CACNA1C: variants seen among roughly 807,000 people sequenced by gnomAD.
CACNA1C encodes calcium voltage-gated channel subunit alpha1 C.
CACNA1C carries 30 observed loss-of-function variants against 229.0 expected under a neutral mutation model. That is an observed-to-expected ratio of 0.13 (90% CI 0.10 to 0.18). The LOEUF (loss-of-function observed/expected upper bound fraction) is 0.18, where lower values mean the gene tolerates loss of function less well. CACNA1C is among the 10% of genes least tolerant of loss of function. The pLI is 1.00. For missense variants in CACNA1C, 1,658 were observed against 2,845.0 expected (o/e 0.58, Z 9.49); for synonymous variants, 1,114 against 1,132.5 (o/e 0.98, Z 0.33).
rs1407765746 is a variant in CACNA1C, at chr12:2,606,602, G to A, written c.3157-9G>A. The stretch of plus-strand genomic sequence containing the variant: ...GAACATCTCTGATACTCTGTTCTCT[G>A]CCTTCCAGGGAAAGCTGTACACCTG... On this transcript the variant is annotated splice_polypyrimidine_tract_variant and intron_variant, in intron 24 of 46. Coordinates refer to ENST00000399655, the MANE Select transcript of CACNA1C (RefSeq NM_000719.7). The A allele has an allele frequency of 2.5e-6, 4 of 1,600,558 alleles. No homozygotes were observed. The highest frequency in any genetic ancestry group is 1.7e-5 in the Admixed American group (1 of 58,182).
At chr12:2,084,820 G>T (rs1253474326) in intron 1 of CACNA1C, among the ~76,000 whole-genome samples, 3 of 152,180 alleles carry the variant, frequency 2.0e-5, no homozygotes, top group Admixed American at 1.3e-4. Flanking sequence ...GATAAGGCAA[G>T]CCAGGGTTCC....
intron 3 of CACNA1C, among the ~76,000 whole-genome samples, chr12:2,261,744 AACAC>A (rs141539866): frequency 6.6e-6 from 1 of 151,438 alleles, no homozygotes; most frequent in African/African-American, 2.4e-5. Flanking sequence ...GTCCTTGTGC[AACAC>A]ACACACACAC....
intron 3 of CACNA1C, among the ~76,000 whole-genome samples, chr12:2,398,352 T>C (rs954229079): frequency 6.6e-5 from 10 of 152,242 alleles, no homozygotes; most frequent in Non-Finnish European, 1.5e-4. Flanking sequence ...GATGTGTTTT[T>C]TCATCTCTAA....
intron 3 of CACNA1C, among the ~76,000 whole-genome samples, chr12:2,404,256 G>GC (rs1325446336): frequency 2.6e-5 from 4 of 152,158 alleles, no homozygotes; most frequent in African/African-American, 9.7e-5. Context: ...TCAGGAATGA[G>GC]CCCCTGGCCT....
At chr12:2,256,209 C>T (rs1005809154) in intron 3 of CACNA1C, among the ~76,000 whole-genome samples, 2 of 152,150 alleles carry the variant, frequency 1.3e-5, no homozygotes, top group African/African-American at 4.8e-5. Flanking sequence ...GAGGCTAAGC[C>T]CAGGAATCTA....
intron 1 of CACNA1C, among the ~76,000 whole-genome samples, chr12:2,008,233 C>T (rs974813220): frequency 8.5e-5 from 13 of 152,080 alleles, no homozygotes; most frequent in African/African-American, 3.1e-4. Context: ...TCCTCCCACC[C>T]CAGCCTCCCA....
chr12:2,536,454 T>C (rs1204901592), intron 9 of CACNA1C, among the ~76,000 whole-genome samples: 1 of 151,920 alleles, frequency 6.6e-6, no homozygotes, highest in Non-Finnish European at 1.5e-5. Flanking sequence ...TGGAAAGAGG[T>C]TCAAAACTCT....
At chr12:2,532,592 C>T (rs1162559145) in intron 9 of CACNA1C, among the ~76,000 whole-genome samples, 1 of 152,182 alleles carries the variant, frequency 6.6e-6, no homozygotes, top group Non-Finnish European at 1.5e-5. Context: ...CTGGACAGGC[C>T]CACCGATGCC....
At chr12:2,232,895 G>A (rs148676962) in intron 3 of CACNA1C, among the ~76,000 whole-genome samples, 25 of 152,146 alleles carry the variant, frequency 1.6e-4, no homozygotes, top group African/African-American at 4.6e-4. Flanking sequence ...CATTGGGAGC[G>A]CTTTCTGGTT....
At chr12:2,526,413 G>A (rs1169445435) in intron 9 of CACNA1C, among the ~76,000 whole-genome samples, 1 of 152,228 alleles carries the variant, frequency 6.6e-6, no homozygotes, top group Admixed American at 6.5e-5. Flanking sequence ...ATATGAGCAG[G>A]TTTCAACACT....
intron 1 of CACNA1C, among the ~76,000 whole-genome samples, chr12:2,080,380 T>A (rs1387040976): frequency 6.6e-6 from 1 of 151,926 alleles, no homozygotes; most frequent in Non-Finnish European, 1.5e-5. Flanking sequence ...GGCGGGTGGA[T>A]CACGAGGTCA....
At chr12:2,424,519 G>A (rs892708773) in intron 3 of CACNA1C, among the ~76,000 whole-genome samples, 1 of 152,212 alleles carries the variant, frequency 6.6e-6, no homozygotes, top group Admixed American at 6.5e-5. Context: ...TTGTCTCAGG[G>A]ACAGGGAGAT....
intron 3 of CACNA1C, among the ~76,000 whole-genome samples, chr12:2,195,078 T>C (rs902458945): frequency 2.0e-5 from 3 of 151,700 alleles, no homozygotes; most frequent in Non-Finnish European, 4.4e-5. Flanking sequence ...AAAGAAGAGA[T>C]GTGTGTGTGT....
intron 3 of CACNA1C, among the ~76,000 whole-genome samples, chr12:2,404,778 A>T (rs1308541615): frequency 6.6e-6 from 1 of 151,954 alleles, no homozygotes; most frequent in Non-Finnish European, 1.5e-5. Flanking sequence ...TAGAAAGATT[A>T]CACAGCCAAA....
chr12:2,284,282 C>G lies in CACNA1C; in HGVS notation c.477+163852C>G, dbSNP rs143244749. On this transcript the variant is annotated intron_variant, in intron 3 of 46. Transcript: ENST00000399655. ...ACGGAAAAAGCTGAATTCTCTAGAA[C>G]AGACCTCTAGATTTTTTTTTTTTTT... Among the ~76,000 whole-genome samples, 278 of 150,754 alleles carry G rather than the reference C, an allele frequency of 1.8e-3. 1 individual carries two copies. The highest frequency in any genetic ancestry group is 6.6e-3 in the African/African-American group (271 of 41,008).
chr12:2,676,309 A>C (rs1005489473), intron 39 of CACNA1C: 1 of 152,146 alleles, frequency 6.6e-6, no homozygotes, highest in Non-Finnish European at 1.5e-5. Context: ...GCTATTTTGG[A>C]GGGACAGGTA....
intron 3 of CACNA1C, among the ~76,000 whole-genome samples, chr12:2,437,865 TGGTGGTAATGGTGGTGGC>T (rs2154560085): frequency 1.3e-5 from 2 of 148,534 alleles, no homozygotes; most frequent in South Asian, 4.4e-4. Context: ...GTGGTGATGG[TGGTGGTAATGGTGGTGGC>T]GGTGGTGATG....
At chr12:2,572,828 CT>C (rs2056703059) in intron 13 of CACNA1C, among the ~76,000 whole-genome samples, 1 of 124,544 alleles carries the variant, frequency 8.0e-6, no homozygotes, top group Non-Finnish European at 1.7e-5. Flanking sequence ...TCCTCCTCCC[CT>C]CCTCCTTCTC....
In CACNA1C at chr12:2,348,359, G is replaced by A. The variant is rs1385979058; in HGVS notation, c.478-100617G>A. Among the ~76,000 whole-genome samples the A allele has an allele frequency of 6.6e-6, 1 of 152,208 alleles. No homozygotes were observed. Among genetic ancestry groups the A allele is most frequent in the Non-Finnish European group, 1.5e-5 (1 of 68,040 alleles). ...ATCCTATGTGCGGGGGACTTCCCAAGAGCTCCCGGCCCACGACTGAGTCAC... is the reference window on the plus strand; with the variant it reads ...ATCCTATGTGCGGGGGACTTCCCAAAAGCTCCCGGCCCACGACTGAGTCAC... On this transcript the variant is annotated intron_variant, in intron 3 of 46. Coordinates refer to ENST00000399655, the MANE Select transcript of CACNA1C (RefSeq NM_000719.7). The surrounding 1 kb of genome is among the most constrained non-coding windows in gnomAD (Gnocchi z 4.7).
Sources: allele counts gnomAD v4.1 joint callset (sites outside exome capture counted in the v4.1 genomes callset), GRCh38; gene constraint gnomAD v4.1.1; non-coding constraint Gnocchi (gnomAD v3.1); transcripts MANE v1.5; gene names NCBI Gene and HGNC (gene_info 2026-07-23, HGNC 2026-07-21).